SNX29: variants seen among roughly 807,000 people sequenced by gnomAD.
The protein encoded by SNX29 is sorting nexin 29.
SNX29 carries 78 observed loss-of-function variants against 102.1 expected under a neutral mutation model. The ratio of observed to expected loss-of-function variants is 0.76; its 90% CI spans 0.64 to 0.92. The LOEUF (loss-of-function observed/expected upper bound fraction) is 0.92. Among genes scored for constraint, SNX29 ranks in the 40% least tolerant of loss-of-function variants. The pLI is 0.00. For missense variants in SNX29, 1,280 were observed against 1,061.7 expected (o/e 1.21, Z -2.86); for synonymous variants, 580 against 414.5 (o/e 1.40, Z -4.85).
chr16:12,523,541 C>G (rs1417506501), intron 19 of SNX29, among the ~76,000 whole-genome samples: 4 of 152,220 alleles, frequency 2.6e-5, no homozygotes, highest in Non-Finnish European at 5.9e-5. Flanking sequence ...GCAGGATTGG[C>G]TATGGAATGT....
intron 19 of SNX29, among the ~76,000 whole-genome samples, chr16:12,511,601 G>A (rs1032256773): frequency 6.6e-6 from 1 of 152,158 alleles, no homozygotes; most frequent in African/African-American, 2.4e-5. Flanking sequence ...TTGCAGTGAA[G>A]TTTTGATTTA....
Position 12,257,690 on chromosome 16 carries a change from A to ATT in SNX29, c.1679-20226_1679-20225dup, listed in dbSNP as rs33963423. On this transcript the variant is annotated intron_variant, in intron 14 of 20. Transcript: ENST00000566228. ...CACCACCATGCCCGGCTTATTTAAA[A>ATT]TTTTTTTTTTTTTTTTTTGTAGCAT... 5.0e-5 allele frequency among the ~76,000 whole-genome samples: 7 copies of ATT among 141,040 alleles called. No individual in the cohort carries two copies. In the East Asian group the frequency reaches 6.2e-4, roughly 13 times the overall value. The allele number at this position is 141,040 out of a possible 152,430, so 92.5% of individuals were successfully genotyped here. A position where few individuals can be genotyped will look rare whatever the true frequency, so the allele number is the denominator to read the frequency against.
At chr16:12,242,985 C>T (rs1258665402) in intron 14 of SNX29, among the ~76,000 whole-genome samples, 4 of 152,180 alleles carry the variant, frequency 2.6e-5, no homozygotes, top group African/African-American at 9.7e-5. Context: ...TCTCTCAGTT[C>T]AGCAGGAGCC....
intron 19 of SNX29, among the ~76,000 whole-genome samples, chr16:12,515,197 A>G (rs574298575): frequency 1.3e-5 from 2 of 152,302 alleles, no homozygotes; most frequent in South Asian, 4.1e-4. Context: ...GACCTTGTGT[A>G]GCCCTTCATC....
chr16:12,033,685 C>T (rs1454371131), intron 4 of SNX29, among the ~76,000 whole-genome samples: 1 of 151,530 alleles, frequency 6.6e-6, no homozygotes, highest in Non-Finnish European at 1.5e-5. Context: ...TGGCCCACTG[C>T]AGCCTATGCC....
chr16:12,383,775 T>TC (rs888843934), intron 16 of SNX29, among the ~76,000 whole-genome samples: 6 of 145,588 alleles, frequency 4.1e-5, no homozygotes, highest in South Asian at 2.1e-4. Context: ...CAACTTTCTT[T>TC]TTTTTTTTTT....
intron 18 of SNX29, among the ~76,000 whole-genome samples, chr16:12,460,657 CTTTTT>C (rs56823217): frequency 2.2e-5 from 3 of 133,684 alleles, no homozygotes; most frequent in Non-Finnish European, 4.8e-5. Context: ...TGTGTGAACT[CTTTTT>C]TTTTTTTTTT....
intron 20 of SNX29, among the ~76,000 whole-genome samples, chr16:12,558,234 C>CT (rs1382068553): frequency 5.3e-4 from 10 of 18,720 alleles, no homozygotes; most frequent in Non-Finnish European, 1.3e-3. Context: ...CTCTTCAGCC[C>CT]CCCCAGTAGA....
intron 18 of SNX29, among the ~76,000 whole-genome samples, chr16:12,433,821 C>G (rs549345857): frequency 4.6e-5 from 7 of 152,196 alleles, no homozygotes; most frequent in Admixed American, 3.9e-4. Context: ...GAGACCATGT[C>G]TCAAAACAAA....
At chr16:12,140,947 A>G (rs2054845762) in intron 13 of SNX29, among the ~76,000 whole-genome samples, 1 of 152,224 alleles carries the variant, frequency 6.6e-6, no homozygotes, top group South Asian at 2.1e-4. Flanking sequence ...AAAAATCAGT[A>G]TAACACTCTA....
At chr16:12,488,570 C>G (rs963135309) in intron 19 of SNX29, among the ~76,000 whole-genome samples, 2 of 152,164 alleles carry the variant, frequency 1.3e-5, no homozygotes, top group African/African-American at 4.8e-5. Flanking sequence ...GAATAACGAA[C>G]TGAAGCTGTG....
At chr16:12,226,422 GGA>G (rs1488339949) in intron 14 of SNX29, among the ~76,000 whole-genome samples, 1 of 152,142 alleles carries the variant, frequency 6.6e-6, no homozygotes, top group Non-Finnish European at 1.5e-5. Flanking sequence ...TTTAAAAGGA[GGA>G]GAGAGAGGGA....
Position 12,321,016 on chromosome 16 carries a change from A to G in SNX29, c.1783-35147A>G, listed in dbSNP as rs558722056. ...ACTGAGGCGATAAGGCCTGAGCACA[A>G]CCTGTTGAAGAAAATCCTCACCCTC... On this transcript the variant is annotated intron_variant, in intron 15 of 20. Coordinates refer to ENST00000566228, the MANE Select transcript of SNX29 (RefSeq NM_032167.5). 3.9e-5 allele frequency among the ~76,000 whole-genome samples: 6 copies of G among 152,310 alleles called. 1 individual carries two copies. In the East Asian group the frequency reaches 1.2e-3, roughly 29 times the overall value.
At position 12,570,527 on chromosome 16, in the gene SNX29, T is replaced by G. The variant is rs1374289703; in HGVS notation, c.*1898T>G. On this transcript the variant is annotated 3_prime_UTR_variant, in exon 21 of 21. Coordinates refer to ENST00000566228, the MANE Select transcript of SNX29 (RefSeq NM_032167.5). ...TTGGGTTTATGCCACATCGGTCATT[T>G]TGAAGTAGGTGTTTGATGCCAGCTC... 1 of 232,468 alleles carries G rather than the reference T, an allele frequency of 4.3e-6. No homozygotes were observed. The highest frequency in any genetic ancestry group is 8.5e-6 in the Non-Finnish European group (1 of 117,662). The allele number at this position is 232,468 out of a possible 1,614,324, so 14.4% of individuals were successfully genotyped here. A position where few individuals can be genotyped will look rare whatever the true frequency, so the allele number is the denominator to read the frequency against.
chr16:12,185,564 A>G (rs2141863582), intron 13 of SNX29, among the ~76,000 whole-genome samples: 1 of 152,056 alleles, frequency 6.6e-6, no homozygotes, highest in African/African-American at 2.4e-5. Context: ...CCCTCCTTCA[A>G]TCACCTTTCT....
intron 5 of SNX29, among the ~76,000 whole-genome samples, chr16:12,044,920 C>G (rs1048347670): frequency 2.6e-5 from 4 of 152,108 alleles, no homozygotes; most frequent in Non-Finnish European, 5.9e-5. Context: ...GAAGCTCCTT[C>G]CAGCATATTA....
At chr16:12,014,972 T>G (rs1405645695) in intron 3 of SNX29, among the ~76,000 whole-genome samples, 1 of 151,820 alleles carries the variant, frequency 6.6e-6, no homozygotes, top group East Asian at 1.9e-4. Context: ...GGTCAACTAT[T>G]TTTTTTGGGG....
chr16:12,305,874 CT>C (rs1328038075), intron 15 of SNX29, among the ~76,000 whole-genome samples: 2 of 152,180 alleles, frequency 1.3e-5, no homozygotes, highest in Non-Finnish European at 2.9e-5. Flanking sequence ...GAGCTGTAAC[CT>C]GTTCGGATTT....
intron 14 of SNX29, among the ~76,000 whole-genome samples, chr16:12,218,984 C>G (rs1028151145): frequency 6.6e-6 from 1 of 152,074 alleles, no homozygotes; most frequent in Non-Finnish European, 1.5e-5. Context: ...CTGTGTTAGC[C>G]AGGTTGGTCT....
Sources: gnomAD v4.1 joint callset for allele counts (sites outside exome capture counted in the v4.1 genomes callset) on GRCh38, gnomAD v4.1.1 for gene constraint, MANE v1.5 for transcripts, NCBI Gene and HGNC (gene_info 2026-07-23, HGNC 2026-07-21) for gene names.